Variants in THTPA observed in about 807,000 individuals in gnomAD.
The protein encoded by THTPA is thiamine triphosphatase.
In THTPA, 16 loss-of-function variants were observed where a neutral mutation model predicts 16.5. The ratio of observed to expected loss-of-function variants is 0.97; its 90% confidence interval spans 0.66 to 1.47. The LOEUF is 1.47. Among genes scored for constraint, THTPA ranks in the 40% most tolerant of loss-of-function variants. THTPA has a pLI of 0.00. For missense variants in THTPA, 281 were observed against 280.9 expected (o/e 1.00, Z 0.00); for synonymous variants, 110 against 115.5 (o/e 0.95, Z 0.30).
At chr14:23,541,783 G>C in the THTPA span, among the ~76,000 whole-genome samples, 1 of 151,864 alleles carries the variant, frequency 6.6e-6, no homozygotes, top group African/African-American at 2.4e-5. Context: ...TTTTTCCAAA[G>C]ATCCTTTCCA....
chr14:23,513,581 A>T, the THTPA span: 1 of 152,564 alleles, frequency 6.6e-6, no homozygotes, highest in Non-Finnish European at 1.5e-5. Context: ...AAGAGGGTGC[A>T]TGAGTTGCTT....
At chr14:23,522,960 G>A in the THTPA span, 3 of 1,436,000 alleles carry the variant, frequency 2.1e-6, no homozygotes, top group East Asian at 2.5e-5. Flanking sequence ...GTGAAAGGAA[G>A]GATGAAGGAT....
At chr14:23,527,861 C>A in the THTPA span, 23 of 1,180,636 alleles carry the variant, frequency 1.9e-5, no homozygotes, top group East Asian at 2.8e-5. Flanking sequence ...GACCCACCAT[C>A]ACATAGTCCT....
At chr14:23,539,660 G>A in the THTPA span, among the ~76,000 whole-genome samples, 4 of 152,164 alleles carry the variant, frequency 2.6e-5, no homozygotes, top group South Asian at 2.1e-4. Flanking sequence ...CAGGCTGGCC[G>A]GCAGAACTGG....
Position 23,559,396 on chromosome 14 carries a change from A to G in THTPA, c.*556A>G. ...TGCCTCCTGTGGAAGTTTAGGGGCA[A>G]ATTTGTTCCCTGACCTGGAGAGGGT... On this transcript the variant is annotated 3_prime_UTR_variant, in exon 2 of 2. Coordinates refer to ENST00000288014, the MANE Select transcript of THTPA (RefSeq NM_024328.6). 1 of 296,996 alleles carries G rather than the reference A, an allele frequency of 3.4e-6. No individual in the cohort carries two copies. Among genetic ancestry groups the G allele is most frequent in the Non-Finnish European group, 6.5e-6 (1 of 153,604 alleles). The allele number at this position is 296,996 out of a possible 1,614,324, so 18.4% of individuals were successfully genotyped here.
the THTPA span, among the ~76,000 whole-genome samples, chr14:23,546,948 T>C: frequency 6.6e-6 from 1 of 152,128 alleles, no homozygotes; most frequent in Non-Finnish European, 1.5e-5. This position sits in a 1 kb window ranked among gnomAD's most constrained non-coding sequence, Gnocchi z 4.7. Flanking sequence ...CACTCCCAGC[T>C]CTCTCCCCTG....
chr14:23,524,398 T>TC, the THTPA span: 1 of 1,536,096 alleles, frequency 6.5e-7, no homozygotes, highest in Non-Finnish European at 8.7e-7. This position sits in a 1 kb window ranked among gnomAD's most constrained non-coding sequence, Gnocchi z 5.6. Context: ...CCTCCCCTCC[T>TC]CCCCCTGCTT....
chr14:23,530,141 G>A, the THTPA span: 1 of 1,535,978 alleles, frequency 6.5e-7, no homozygotes, highest in African/African-American at 1.4e-5. Context: ...GTCTTGTTCT[G>A]GGCATCTTTC....
the THTPA span, chr14:23,532,764 G>T: frequency 6.5e-7 from 1 of 1,536,290 alleles, no homozygotes; most frequent in Non-Finnish European, 8.7e-7. Flanking sequence ...TGGGCTGCCA[G>T]CTGGTACTTC....
chr14:23,526,552 G>A, the THTPA span: 2 of 1,535,782 alleles, frequency 1.3e-6, no homozygotes, highest in Non-Finnish European at 1.7e-6. Context: ...CAGGTTCAGG[G>A]ACTGGAGATG....
chr14:23,520,925 C>T, the THTPA span: 1 of 149,132 alleles, frequency 6.7e-6, no homozygotes, highest in Admixed American at 6.6e-5. This position sits in a 1 kb window ranked among gnomAD's most constrained non-coding sequence, Gnocchi z 8.7. Context: ...TTAGTTCATT[C>T]CTCTGGTGTC....
chr14:23,536,542 G>A, the THTPA span, among the ~76,000 whole-genome samples: 1 of 152,138 alleles, frequency 6.6e-6, no homozygotes, highest in South Asian at 2.1e-4. Context: ...CAAATAATAA[G>A]TAATAGTAAT....
intron 1 of THTPA, among the ~76,000 whole-genome samples, chr14:23,558,193 C>T (rs73589287): frequency 0.031 from 4,770 of 152,316 alleles, 265 homozygotes; most frequent in African/African-American, 0.11. Flanking sequence ...ACAGGCAGTT[C>T]CATTCTCACC....
At chr14:23,526,951 A>C in the THTPA span, 1 of 1,525,094 alleles carries the variant, frequency 6.6e-7, no homozygotes, top group African/African-American at 1.4e-5. Flanking sequence ...TTTGGTTGTA[A>C]ATGTCATTTC....
chr14:23,530,988 A>G, the THTPA span: 1 of 162,940 alleles, frequency 6.1e-6, no homozygotes, highest in Non-Finnish European at 1.3e-5. Context: ...CCTAAGGGTG[A>G]CTCTAAGCCC....
the THTPA span, among the ~76,000 whole-genome samples, chr14:23,516,975 G>C: frequency 6.6e-6 from 1 of 152,142 alleles, no homozygotes; most frequent in Admixed American, 6.6e-5. Flanking sequence ...GGGATTAGGA[G>C]TCAACCCCGG....
the THTPA span, chr14:23,526,704 A>C: frequency 6.5e-7 from 1 of 1,535,794 alleles, no homozygotes. Flanking sequence ...AGAAAGTACA[A>C]TGAGGAGGGA....
the THTPA span, among the ~76,000 whole-genome samples, chr14:23,528,016 C>T: frequency 6.6e-6 from 1 of 151,474 alleles, no homozygotes; most frequent in South Asian, 2.1e-4. Context: ...AAGCAATTCT[C>T]CTGCCCTCAG....
At chr14:23,515,835 C>A in the THTPA span, among the ~76,000 whole-genome samples, 6 of 152,142 alleles carry the variant, frequency 3.9e-5, no homozygotes, top group African/African-American at 1.2e-4. Context: ...GTGTTTTCCA[C>A]AGCAGAGGAG....
Sources: allele counts gnomAD v4.1 joint callset (sites outside exome capture counted in the v4.1 genomes callset), GRCh38; gene constraint gnomAD v4.1.1; non-coding constraint Gnocchi (gnomAD v3.1); transcripts MANE v1.5; gene names NCBI Gene and HGNC (gene_info 2026-07-23, HGNC 2026-07-21).